PCSK2: variants seen among roughly 807,000 people sequenced by gnomAD.
PCSK2 encodes the protein neuroendocrine convertase 2.
A neutral mutation model predicts 69.7 loss-of-function variants in PCSK2; 14 were observed. The observed-to-expected ratio is 0.20, with a 90% CI of 0.13 to 0.31. The LOEUF is 0.31. Among genes scored for constraint, PCSK2 ranks in the 10% least tolerant of loss-of-function variants. PCSK2 has a pLI of 1.00. For missense variants in PCSK2, 544 were observed against 842.5 expected (o/e 0.65, Z 4.39); for synonymous variants, 307 against 320.7 (o/e 0.96, Z 0.46).
At chr20:17,312,721 T>C (rs1009429679) in intron 2 of PCSK2, among the ~76,000 whole-genome samples, 1 of 152,012 alleles carries the variant, frequency 6.6e-6, no homozygotes, top group Non-Finnish European at 1.5e-5. Context: ...AGAAGAGAGG[T>C]GCTGTAGTGG....
intron 11 of PCSK2, among the ~76,000 whole-genome samples, chr20:17,473,744 A>T (rs555931500): frequency 6.6e-6 from 1 of 152,198 alleles, no homozygotes; most frequent in Non-Finnish European, 1.5e-5. Context: ...AGCCAAAAAA[A>T]CCTGACCTGT....
rs1555790046 is a variant in PCSK2 at position 17,348,090 on chromosome 20, A to AGAAAGAAAGAAT, written c.283-10226_283-10225insTGAAAGAAAGAA. The stretch of plus-strand genomic sequence containing the variant: ...AAGAAAGAAAGAAAGAAAGAAAGAA[A>AGAAAGAAAGAAT]GAAAGAAAGAAAGAAAAGAAAAGAA... On this transcript the variant is annotated intron_variant, in intron 2 of 11. Transcript: ENST00000262545. 8.6e-3 allele frequency among the ~76,000 whole-genome samples: 1,227 copies of AGAAAGAAAGAAT among 142,802 alleles called. 17 individuals are homozygous for AGAAAGAAAGAAT. Among genetic ancestry groups the AGAAAGAAAGAAT allele is most frequent in the Middle Eastern group, 0.025 (7 of 284 alleles). 93.7% of individuals were successfully genotyped at this position (142,802 alleles called of 152,430 possible). A position where few individuals can be genotyped will look rare whatever the true frequency, so the allele number is the denominator to read the frequency against.
chr20:17,314,883 G>A (rs1989630928), intron 2 of PCSK2, among the ~76,000 whole-genome samples: 1 of 152,100 alleles, frequency 6.6e-6, no homozygotes, highest in South Asian at 2.1e-4. Context: ...TGTGTCTAAT[G>A]TTATTTTTGT....
chr20:17,339,203 G>T (rs1487041474), intron 2 of PCSK2, among the ~76,000 whole-genome samples: 2 of 152,186 alleles, frequency 1.3e-5, no homozygotes, highest in Admixed American at 6.5e-5. Flanking sequence ...TGCTGACGAG[G>T]CATGAACAAC....
At chr20:17,246,662 G>A (rs951024296) in intron 1 of PCSK2, among the ~76,000 whole-genome samples, 5 of 150,480 alleles carry the variant, frequency 3.3e-5, no homozygotes, top group African/African-American at 4.9e-5. Context: ...TGGGTCCAAC[G>A]CATTCCATGG....
At chr20:17,256,594 G>T (rs560572028) in intron 1 of PCSK2, among the ~76,000 whole-genome samples, 2 of 150,786 alleles carry the variant, frequency 1.3e-5, no homozygotes, top group South Asian at 2.1e-4. Flanking sequence ...ATTGCTATTT[G>T]TTTTCCTGCA....
At chr20:17,343,462 G>C (rs2123176740) in intron 2 of PCSK2, among the ~76,000 whole-genome samples, 1 of 152,338 alleles carries the variant, frequency 6.6e-6, no homozygotes. Context: ...ATCTTCAGTA[G>C]AACTTGTCAG....
intron 7 of PCSK2, among the ~76,000 whole-genome samples, chr20:17,435,983 C>T (rs2032477244): frequency 6.6e-6 from 1 of 152,180 alleles, no homozygotes; most frequent in African/African-American, 2.4e-5. Context: ...TTGTGTGTCC[C>T]ACACTATCCT....
intron 5 of PCSK2, among the ~76,000 whole-genome samples, chr20:17,369,547 C>A (rs1411719129): frequency 1.3e-5 from 2 of 152,184 alleles, no homozygotes; most frequent in Non-Finnish European, 2.9e-5. Flanking sequence ...ACACAGACAG[C>A]CACATGGGCA....
intron 6 of PCSK2, 75 bp from the exon 7 acceptor site, chr20:17,429,360 G>A (rs2032317255): frequency 9.7e-7 from 1 of 1,035,170 alleles, no homozygotes; most frequent in Non-Finnish European, 1.5e-6. Context: ...GTTCCAAAGA[G>A]AATTTTGAGC....
chr20:17,464,748 C>T (rs1393742517), intron 10 of PCSK2: 1 of 154,824 alleles, frequency 6.5e-6, no homozygotes, highest in Non-Finnish European at 1.4e-5. Flanking sequence ...TTCATTCTCA[C>T]TGCTGTATAG....
intron 2 of PCSK2, among the ~76,000 whole-genome samples, chr20:17,332,684 G>A (rs1990236372): frequency 6.6e-6 from 1 of 152,130 alleles, no homozygotes; most frequent in Admixed American, 6.5e-5. Context: ...AAGCTTTCCT[G>A]AGGATTCTGA....
At chr20:17,446,160 C>G (rs571591532) in intron 8 of PCSK2, among the ~76,000 whole-genome samples, 2 of 152,208 alleles carry the variant, frequency 1.3e-5, no homozygotes, top group South Asian at 4.1e-4. Context: ...ACTACAATGG[C>G]TGGATCCTTT....
intron 2 of PCSK2, among the ~76,000 whole-genome samples, chr20:17,353,464 A>AGG (rs112096212): frequency 3.4e-5 from 2 of 59,320 alleles, no homozygotes; most frequent in East Asian, 4.6e-4. Context: ...ACTCCATCAC[A>AGG]CAAAAAAAAA....
At chr20:17,270,708 G>C (rs1447080695) in intron 2 of PCSK2, among the ~76,000 whole-genome samples, 1 of 152,082 alleles carries the variant, frequency 6.6e-6, no homozygotes. Flanking sequence ...ACAACTTAGA[G>C]AATCAACATG....
chr20:17,436,423 C>A (rs555088383), intron 7 of PCSK2, among the ~76,000 whole-genome samples: 1 of 152,216 alleles, frequency 6.6e-6, no homozygotes, highest in Non-Finnish European at 1.5e-5. Flanking sequence ...ATCAAAGCAT[C>A]GCTTCAGCAA....
intron 2 of PCSK2, among the ~76,000 whole-genome samples, chr20:17,278,563 A>T (rs534510655): frequency 1.3e-5 from 2 of 152,146 alleles, no homozygotes; most frequent in South Asian, 2.1e-4. Flanking sequence ...CACACCAGGG[A>T]CTGTTGTGGG....
chr20:17,346,147 G>C (rs540346258), intron 2 of PCSK2, among the ~76,000 whole-genome samples: 1 of 152,134 alleles, frequency 6.6e-6, no homozygotes, highest in Non-Finnish European at 1.5e-5. Context: ...TAGCAGAACT[G>C]GATCATGAAT....
In PCSK2 at chr20:17,371,617, C is replaced by T. The variant is rs1049184069; in HGVS notation, c.543+2340C>T. Among the ~76,000 whole-genome samples the T allele has an allele frequency of 7.2e-5, 11 of 152,094 alleles. No individual in the cohort carries two copies. In the South Asian group the frequency reaches 2.3e-3, roughly 32 times the overall value. On this transcript the variant is annotated intron_variant, in intron 5 of 11. Transcript: ENST00000262545. ...GATTCAAAACTAGCCATAATACCAC[C>T]ATTCTTATTATTTTGACATATTTGG...
Sources: gnomAD v4.1 joint callset for allele counts (sites outside exome capture counted in the v4.1 genomes callset) on GRCh38, gnomAD v4.1.1 for gene constraint, MANE v1.5 for transcripts, NCBI Gene and HGNC (gene_info 2026-07-23, HGNC 2026-07-21) for gene names.